The following ABCC10 variants were observed in gnomAD, a reference collection of about 807,000 sequenced individuals.
The protein encoded by ABCC10 is ATP binding cassette subfamily C member 10.
In ABCC10, 110 loss-of-function variants were observed where a neutral mutation model predicts 143.2. That is an observed-to-expected ratio of 0.77 (90% CI 0.66 to 0.90). The LOEUF (loss-of-function observed/expected upper bound fraction) is 0.90. Among genes scored for constraint, ABCC10 ranks in the 40% least tolerant of loss-of-function variants. The pLI is 0.00. For synonymous variants in ABCC10, 805 were observed against 846.7 expected (o/e 0.95, Z 0.85); for missense variants, 1,700 against 1,900.5 (o/e 0.89, Z 1.96).
rs1782704002 is a variant in ABCC10, at chr6:43,443,531, A to G, written c.2416+372A>G. ...ATGCAGAGGGATGTGACCACCTGCA[A>G]GTTTACTGGGAGAGAAATAGGAGGA... On this transcript the variant is annotated intron_variant, in intron 10 of 21. Transcript: ENST00000372530. The surrounding 1 kb of genome is among the most constrained non-coding windows in gnomAD (Gnocchi z 4.2). 1 of 276,420 alleles carries G rather than the reference A, an allele frequency of 3.6e-6. No individual in the cohort carries two copies. The highest frequency in any genetic ancestry group is 6.8e-6 in the Non-Finnish European group (1 of 146,902). The allele number at this position is 276,420 out of a possible 1,614,324, so 17.1% of individuals were successfully genotyped here.
rs776883113 is a variant in ABCC10, at chr6:43,427,967, G to T, written c.-11-1G>T. 1 of 1,612,190 alleles carries T rather than the reference G, an allele frequency of 6.2e-7. No individual in the cohort carries two copies. Among genetic ancestry groups the T allele is most frequent in the South Asian group, 1.1e-5 (1 of 90,934 alleles). On this transcript the variant is annotated splice_acceptor_variant, in intron 1 of 21. Coordinates refer to ENST00000372530, the MANE Select transcript of ABCC10 (RefSeq NM_001198934.2). LOFTEE classifies it low-confidence loss of function (5UTR_SPLICE). ...GCCGTCACCCTCAACTTTCCCTTCA[G>T]GTGAGGCGTCCATGGAACGACTTCT...
At chr6:43,445,495 T>G in intron 14 of ABCC10, 104 bp from the exon 15 acceptor site, 2 of 1,395,162 alleles carry the variant, frequency 1.4e-6, no homozygotes, top group Non-Finnish European at 2.0e-6. Flanking sequence ...TCCTTCCCTA[T>G]TCTCTATCTT....
At chr6:43,435,703 G>A (rs1227963374) in intron 4 of ABCC10, 48 bp from the exon 5 acceptor site, 4 of 1,595,970 alleles carry the variant, frequency 2.5e-6, no homozygotes. Context: ...CATAGAAACA[G>A]GCCCTTAGAT....
chr6:43,448,292 T>G (rs571951887), intron 18 of ABCC10, among the ~76,000 whole-genome samples: 3 of 152,190 alleles, frequency 2.0e-5, no homozygotes, highest in Non-Finnish European at 4.4e-5. Context: ...CGGTTGCCCT[T>G]GGCTTCAGGT....
downstream of ABCC10, chr6:43,451,150 G>T: frequency 1.2e-6 from 2 of 1,614,160 alleles, no homozygotes; most frequent in Admixed American, 1.7e-5. The surrounding 1 kb of genome is among the most constrained non-coding windows in gnomAD (Gnocchi z 4.4). Flanking sequence ...GCACAAGGCC[G>T]CATCAGGCAG....
downstream of ABCC10, chr6:43,451,172 T>A (rs907833216): frequency 6.2e-6 from 10 of 1,614,124 alleles, no homozygotes; most frequent in Non-Finnish European, 8.5e-6. The surrounding 1 kb of genome is among the most constrained non-coding windows in gnomAD (Gnocchi z 4.4). Context: ...CATCCACATT[T>A]ACCTCACAGC....
chr6:43,439,608 G>A (rs956540654), intron 8 of ABCC10, among the ~76,000 whole-genome samples: 29 of 151,906 alleles, frequency 1.9e-4, no homozygotes, highest in Admixed American at 1.6e-3. Context: ...TTTTTGAGAC[G>A]GAGTCTCACT....
In ABCC10 at chr6:43,445,950, A is replaced by G; in HGVS notation, c.3374+8A>G. The G allele has an allele frequency of 6.2e-7, 1 of 1,607,094 alleles. No individual in the cohort carries two copies. The highest frequency in any genetic ancestry group is 8.5e-7 in the Non-Finnish European group (1 of 1,175,106). On this transcript the variant is annotated splice_region_variant and intron_variant, in intron 15 of 21. Coordinates refer to ENST00000372530, the MANE Select transcript of ABCC10 (RefSeq NM_001198934.2). ...CACAGGGGCCACCTACAGGTGTGTG[A>G]ACCAGAGCCCAGGGGGATGAGGTGT... is the stretch of plus-strand genomic sequence containing the variant.
In ABCC10 at chr6:43,443,962, C is replaced by T. The variant is rs976112354; in HGVS notation, c.2446C>T (p.Gln816Ter). 1.9e-6 allele frequency: 3 copies of T among 1,614,082 alleles called. No homozygotes were observed. Among genetic ancestry groups the T allele is most frequent in the African/African-American group, 2.7e-5 (2 of 74,954 alleles). Residue 816 changes from glutamine to a stop codon, truncating the protein, a stop_gained, in exon 11 of 22, where the codon CAA (glutamine) becomes TAA (stop). Coordinates refer to ENST00000372530, the MANE Select transcript of ABCC10 (RefSeq NM_001198934.2). LOFTEE classifies it high-confidence loss of function. The surrounding 1 kb of genome is among the most constrained non-coding windows in gnomAD (Gnocchi z 4.2). ...GPPSEILPLV[Q>*]AVPKAWAENG... ...TCCCTCTGAGATTCTGCCACTGGTA[C>T]AAGCTGTCCCCAAAGCCTGGGCTGA...
intron 2 of ABCC10, among the ~76,000 whole-genome samples, chr6:43,428,531 G>A (rs967844819): frequency 2.0e-5 from 3 of 152,204 alleles, no homozygotes; most frequent in African/African-American, 4.8e-5. Flanking sequence ...TGTAGGCTCA[G>A]TTTCTCACCA....
At chr6:43,436,444 C>T (rs560158035) in intron 6 of ABCC10, among the ~76,000 whole-genome samples, 197 bp downstream of exon 6, 26 of 152,210 alleles carry the variant, frequency 1.7e-4, no homozygotes, top group African/African-American at 6.3e-4. Context: ...AATAGTTGCA[C>T]CTCTCTCTGG....
intron 18 of ABCC10, 145 bp downstream of exon 18, chr6:43,448,082 A>G: frequency 7.6e-7 from 1 of 1,320,034 alleles, no homozygotes; most frequent in South Asian, 1.3e-5. Context: ...TGAGCAGGCA[A>G]GGACAGCGAA....
At chr6:43,444,415 CT>C (rs1782806615) in intron 12 of ABCC10, 62 bp downstream of exon 12, 2 of 1,505,116 alleles carry the variant, frequency 1.3e-6, no homozygotes, top group East Asian at 2.3e-5. Flanking sequence ...TGCCCATTAC[CT>C]TGCACTAATC....
At chr6:43,431,073 CA>C (rs907260041) in intron 2 of ABCC10, among the ~76,000 whole-genome samples, 3 of 152,088 alleles carry the variant, frequency 2.0e-5, no homozygotes, top group African/African-American at 7.2e-5. Flanking sequence ...TTATTAAAAA[CA>C]TTTTTTTATG....
intron 3 of ABCC10, 90 bp from the exon 4 acceptor site, chr6:43,434,531 C>A: frequency 8.0e-7 from 1 of 1,248,256 alleles, no homozygotes; most frequent in Non-Finnish European, 1.1e-6. Context: ...GAGTACTGAA[C>A]ATTCTGCCAG....
In ABCC10 at chr6:43,433,012, T is replaced by A; in HGVS notation, c.1032T>A (p.Tyr344Ter). 6.2e-7 allele frequency: 1 copy of A among 1,614,032 alleles called. No homozygotes were observed. Among genetic ancestry groups the A allele is most frequent in the Non-Finnish European group, 8.5e-7 (1 of 1,179,976 alleles). ...AVLGAVLQNQYGYEVYKVTLQ... is the reference protein window; with the variant it reads ...AVLGAVLQNQ ...TGGGTGCTGTGCTGCAGAATCAGTA[T>A]GGGTATGAGGTATATAAGGTAACAC... The change falls in exon 3 of 22, where the codon TAT becomes TAA. Residue 344 changes from tyrosine to a stop codon, truncating the protein, a stop_gained. Transcript: ENST00000372530. LOFTEE classifies it high-confidence loss of function.
intron 18 of ABCC10, 160 bp downstream of exon 18, chr6:43,448,097 T>A: frequency 8.7e-7 from 1 of 1,148,012 alleles, no homozygotes; most frequent in Non-Finnish European, 1.3e-6. Context: ...AGCGAACTCC[T>A]AGTGCCCAGG....
chr6:43,436,225 T>C lies in ABCC10; in HGVS notation c.1853T>C (p.Ile618Thr), dbSNP rs1179202248. 1.2e-6 allele frequency: 2 copies of C among 1,614,046 alleles called. No individual in the cohort carries two copies. Among genetic ancestry groups the C allele is most frequent in the African/African-American group, 1.3e-5 (1 of 75,044 alleles). Residue 618 changes from isoleucine (I) to threonine (T), a missense_variant, in exon 6 of 22, where the codon ATC (isoleucine) becomes ACC (threonine). Ile to Thr is a moderately conservative substitution (Grantham distance 89). Coordinates refer to ENST00000372530, the MANE Select transcript of ABCC10 (RefSeq NM_001198934.2). ...GTTGGAACCAGCCTGGAGACCTTCA[T>C]CAGTCATCTCGAAGTGAAAAAGGTT... ...DPVGTSLETF[I>T]SHLEVKKGML... is the part of the protein sequence containing the mutation.
At position 43,432,612 on chromosome 6, in the gene ABCC10, C is replaced by G. The variant is rs372749927; in HGVS notation, c.632C>G (p.Pro211Arg). 1.5e-4 allele frequency: 241 copies of G among 1,613,802 alleles called. No homozygotes were observed. Among genetic ancestry groups the G allele is most frequent in the Non-Finnish European group, 1.9e-4 (225 of 1,180,040 alleles). Residue 211 changes from proline (P) to arginine (R), a missense_variant, in exon 3 of 22, where the codon CCT becomes CGT. Pro to Arg is a moderately radical substitution (Grantham distance 103). Transcript: ENST00000372530. ...CCCCTCCTGCCCGAGGATCAAGAAC[C>G]TGAGGTGGCTGAAGATGGGGAGAGT... is the stretch of plus-strand genomic sequence containing the variant. ...QEPLLPEDQE[P>R]EVAEDGESWL...
Sources: allele counts gnomAD v4.1 joint callset (sites outside exome capture counted in the v4.1 genomes callset), GRCh38; gene constraint gnomAD v4.1.1; non-coding constraint Gnocchi (gnomAD v3.1); transcripts MANE v1.5; gene names NCBI Gene and HGNC (gene_info 2026-07-23, HGNC 2026-07-21).